SRGAP3: variants seen among roughly 807,000 people sequenced by gnomAD.
SRGAP3 encodes the protein SLIT-ROBO Rho GTPase-activating protein 3.
A neutral mutation model predicts 121.1 loss-of-function variants in SRGAP3; 39 were observed. The ratio of observed to expected loss-of-function variants is 0.32; its 90% CI spans 0.25 to 0.42. The LOEUF (loss-of-function observed/expected upper bound fraction) is 0.42, where lower values mean the gene tolerates loss of function less well. Ranked by LOEUF, SRGAP3 falls within the 10% of genes least tolerant of loss-of-function variation. SRGAP3 has a pLI of 1.00. For synonymous variants in SRGAP3, 601 were observed against 570.0 expected (o/e 1.05, Z -0.77); for missense variants, 1,213 against 1,470.6 (o/e 0.82, Z 2.86).
intron 3 of SRGAP3, among the ~76,000 whole-genome samples, chr3:9,317,503 T>TA (rs1215329184): frequency 1.3e-5 from 2 of 152,204 alleles, no homozygotes; most frequent in African/African-American, 4.8e-5. Context: ...AAGCTCTGGG[T>TA]AAAATCAGAA....
intron 1 of SRGAP3, among the ~76,000 whole-genome samples, chr3:9,203,669 A>G (rs139522274): frequency 6.6e-6 from 1 of 152,244 alleles, no homozygotes; most frequent in East Asian, 1.9e-4. Context: ...CTATAAGGGG[A>G]TGGAATGTGT....
chr3:9,055,519 T>C (rs1945778548), intron 8 of SRGAP3, among the ~76,000 whole-genome samples: 2 of 152,192 alleles, frequency 1.3e-5, no homozygotes, highest in Admixed American at 1.3e-4. Context: ...TTTCCATCTG[T>C]ACCCACTTGC....
upstream of SRGAP3, among the ~76,000 whole-genome samples, chr3:9,251,277 T>C (rs1187206535): frequency 6.6e-6 from 1 of 152,138 alleles, no homozygotes; most frequent in Non-Finnish European, 1.5e-5. Context: ...ATTATAGCCT[T>C]GTACCCGGAG....
chr3:9,179,269 T>A (rs1342454202), intron 1 of SRGAP3, among the ~76,000 whole-genome samples: 2 of 152,218 alleles, frequency 1.3e-5, no homozygotes, highest in Admixed American at 6.5e-5. Context: ...CTGGATGAGA[T>A]GCGCAGGTAC....
chr3:9,235,896 C>A (rs1190877794), intron 1 of SRGAP3: 2 of 152,556 alleles, frequency 1.3e-5, no homozygotes, highest in Admixed American at 6.5e-5. Context: ...GCATTTAATA[C>A]CACTAAGCTG....
In SRGAP3 at chr3:8,994,541, G is replaced by GA. The variant is rs772020039; in HGVS notation, c.2228-19dup. 92 of 1,608,670 alleles carry GA rather than the reference G, an allele frequency of 5.7e-5. No individual in the cohort carries two copies. The highest frequency in any genetic ancestry group is 1.7e-4 in the Middle Eastern group (1 of 5,834). On this transcript the variant is annotated intron_variant, in intron 18 of 21. Coordinates refer to ENST00000383836, the MANE Select transcript of SRGAP3 (RefSeq NM_014850.4). ...CTCCACTTCTGGAAGGAAATCAAGG[G>GA]AAAAAGCGTCTCTGAGGTCAGCAAA...
chr3:9,130,083 G>A (rs759998371), intron 1 of SRGAP3, among the ~76,000 whole-genome samples: 5 of 151,960 alleles, frequency 3.3e-5, no homozygotes, highest in African/African-American at 7.3e-5. Flanking sequence ...TTTAGCAAGC[G>A]CTTTTTACCA....
intron 1 of SRGAP3, among the ~76,000 whole-genome samples, chr3:9,330,956 T>C (rs774846869): frequency 3.4e-4 from 52 of 152,268 alleles, no homozygotes; most frequent in Non-Finnish European, 6.8e-4. Context: ...TAGGTTACAG[T>C]TCATCCAAAA....
chr3:9,300,292 T>C (rs1032890030), intron 3 of SRGAP3, among the ~76,000 whole-genome samples: 21 of 147,330 alleles, frequency 1.4e-4, no homozygotes, highest in African/African-American at 4.5e-4. Flanking sequence ...CATACTAAAA[T>C]ATTTTTCCCC....
At chr3:9,172,272 T>G (rs1398365244) in intron 1 of SRGAP3, among the ~76,000 whole-genome samples, 2 of 151,822 alleles carry the variant, frequency 1.3e-5, no homozygotes, top group Non-Finnish European at 2.9e-5. Context: ...GGCTAATTTT[T>G]TTGTATTTTT....
chr3:9,287,206 G>A (rs1322867993), intron 3 of SRGAP3, among the ~76,000 whole-genome samples: 2 of 151,772 alleles, frequency 1.3e-5, no homozygotes, highest in African/African-American at 4.8e-5. Flanking sequence ...TGCCCAGGCT[G>A]GTCTTGAACA....
chr3:9,276,528 C>A (rs1157749678), intron 3 of SRGAP3, among the ~76,000 whole-genome samples: 1 of 151,854 alleles, frequency 6.6e-6, no homozygotes, highest in African/African-American at 2.4e-5. Context: ...AAGGTTCACT[C>A]GATTCTCCTG....
intron 1 of SRGAP3, among the ~76,000 whole-genome samples, chr3:9,172,628 G>A (rs1438330211): frequency 1.3e-5 from 2 of 152,138 alleles, no homozygotes; most frequent in Non-Finnish European, 2.9e-5. Context: ...CGAGCTCTGG[G>A]CTGGCCATGG....
intron 1 of SRGAP3, among the ~76,000 whole-genome samples, chr3:9,150,740 A>G (rs1224445325): frequency 6.6e-6 from 1 of 152,176 alleles, no homozygotes; most frequent in Non-Finnish European, 1.5e-5. Flanking sequence ...CTCCGCCTCT[A>G]TGAAGGAAAA....
chr3:9,154,042 C>T (rs1353279022), intron 1 of SRGAP3, among the ~76,000 whole-genome samples: 1 of 152,092 alleles, frequency 6.6e-6, no homozygotes, highest in Non-Finnish European at 1.5e-5. Context: ...CAGCTCTGAG[C>T]ACTGAAGCAC....
At chr3:9,165,812 CA>C (rs1950768090) in intron 1 of SRGAP3, among the ~76,000 whole-genome samples, 1 of 152,192 alleles carries the variant, frequency 6.6e-6, no homozygotes, top group South Asian at 2.1e-4. Context: ...AGCTCCCTAT[CA>C]CCATTTGTCC....
At chr3:9,170,593 A>G (rs2125097413) in intron 1 of SRGAP3, among the ~76,000 whole-genome samples, 1 of 151,892 alleles carries the variant, frequency 6.6e-6, no homozygotes, top group South Asian at 2.1e-4. Flanking sequence ...GTCCCTGAAG[A>G]CTCATGGACA....
At chr3:9,182,497 G>A (rs1209749374) in intron 1 of SRGAP3, among the ~76,000 whole-genome samples, 3 of 152,086 alleles carry the variant, frequency 2.0e-5, no homozygotes, top group Non-Finnish European at 2.9e-5. Flanking sequence ...CAGGGAGAGC[G>A]AGGCCTTCCT....
chr3:9,076,697 TCTCCCTCC>T (rs142963677), intron 4 of SRGAP3, among the ~76,000 whole-genome samples: 18 of 151,392 alleles, frequency 1.2e-4, no homozygotes, highest in African/African-American at 4.4e-4. Flanking sequence ...TCCTTCTTGT[TCTCCCTCC>T]CTCCCTCCCT....
Sources: gnomAD v4.1 joint callset for allele counts (sites outside exome capture counted in the v4.1 genomes callset) on GRCh38, gnomAD v4.1.1 for gene constraint, MANE v1.5 for transcripts, NCBI Gene and HGNC (gene_info 2026-07-23, HGNC 2026-07-21) for gene names.